The following AFG2A variants were observed in gnomAD, a reference collection of about 807,000 sequenced individuals.
AFG2A encodes ATPase family gene 2 protein homolog A.
the AFG2A span, among the ~76,000 whole-genome samples, chr4:123,004,175 A>AT: frequency 6.6e-6 from 1 of 152,190 alleles, no homozygotes; most frequent in Non-Finnish European, 1.5e-5. Context: ...GGCAGTGTTC[A>AT]GGTGGGAGTG....
chr4:123,016,611 G>A, the AFG2A span, among the ~76,000 whole-genome samples: 4 of 150,820 alleles, frequency 2.7e-5, no homozygotes, highest in Non-Finnish European at 5.9e-5. Context: ...GATGGCGGCC[G>A]GGCAGAGACG....
the AFG2A span, among the ~76,000 whole-genome samples, chr4:123,008,300 TACTC>T: frequency 5.9e-5 from 9 of 152,116 alleles, no homozygotes; most frequent in Non-Finnish European, 1.0e-4. Context: ...AGTGAAAACT[TACTC>T]ACTCCTGGAG....
the AFG2A span, chr4:122,927,630 A>T: frequency 1.2e-6 from 2 of 1,602,972 alleles, no homozygotes. Flanking sequence ...CTTTTCCTTC[A>T]TAGTAGATGA....
the AFG2A span, among the ~76,000 whole-genome samples, chr4:122,977,376 C>T: frequency 6.6e-6 from 1 of 152,228 alleles, no homozygotes; most frequent in African/African-American, 2.4e-5. Flanking sequence ...ATGCTGGCTG[C>T]AGTGGAGTGG....
the AFG2A span, among the ~76,000 whole-genome samples, chr4:123,014,151 T>C: frequency 1.3e-5 from 2 of 152,198 alleles, no homozygotes; most frequent in Non-Finnish European, 2.9e-5. Flanking sequence ...TTTCTATATT[T>C]TCCATATTCC....
At chr4:122,934,416 T>G in the AFG2A span, 7 of 1,614,220 alleles carry the variant, frequency 4.3e-6, no homozygotes, top group Middle Eastern at 1.6e-4. Context: ...CACAGAGCCC[T>G]GGAGATGGCA....
At chr4:123,189,808 G>GTTTTTTTTTTT in the AFG2A span, among the ~76,000 whole-genome samples, 1 of 56,510 alleles carries the variant, frequency 1.8e-5, no homozygotes, top group Non-Finnish European at 3.9e-5. Flanking sequence ...AAGGTCATTT[G>GTTTTTTTTTTT]CTTTTTTTTT....
At chr4:123,110,450 A>C in the AFG2A span, among the ~76,000 whole-genome samples, 1 of 152,192 alleles carries the variant, frequency 6.6e-6, no homozygotes, top group Non-Finnish European at 1.5e-5. Context: ...GAAAACAAAG[A>C]AGTAAAAATG....
chr4:122,933,951 T>G, the AFG2A span: 1 of 900,352 alleles, frequency 1.1e-6, no homozygotes, highest in African/African-American at 1.7e-5. Context: ...GAATATTAGG[T>G]CCTCAATTTT....
At chr4:122,935,584 G>C in the AFG2A span, 1 of 1,088,742 alleles carries the variant, frequency 9.2e-7, no homozygotes, top group Non-Finnish European at 1.3e-6. Flanking sequence ...TGGAGGGGGA[G>C]AAAAAACTCT....
the AFG2A span, among the ~76,000 whole-genome samples, chr4:123,026,208 C>T: frequency 6.6e-6 from 1 of 151,734 alleles, no homozygotes; most frequent in African/African-American, 2.4e-5. Flanking sequence ...TGGCTGTGAG[C>T]CTCAGACCAG....
the AFG2A span, among the ~76,000 whole-genome samples, chr4:123,102,798 C>CTGTGTGTGTGTGTGTGTG: frequency 1.1e-4 from 15 of 141,154 alleles, no homozygotes; most frequent in African/African-American, 3.2e-4. Context: ...TCCTGGCATT[C>CTGTGTGTGTGTGTGTGTG]TGTGTGTGTG....
the AFG2A span, among the ~76,000 whole-genome samples, chr4:122,927,159 T>C: frequency 6.6e-6 from 1 of 152,156 alleles, no homozygotes; most frequent in East Asian, 1.9e-4. Context: ...ACGACTTCTG[T>C]TACTCTCTTT....
the AFG2A span, among the ~76,000 whole-genome samples, chr4:123,291,372 A>G: frequency 9.2e-5 from 14 of 152,154 alleles, no homozygotes; most frequent in African/African-American, 3.4e-4. Context: ...TTTGATTGTT[A>G]TCTAGTTGTT....
At chr4:122,956,779 A>G in the AFG2A span, among the ~76,000 whole-genome samples, 8 of 152,162 alleles carry the variant, frequency 5.3e-5, no homozygotes, top group African/African-American at 1.9e-4. Flanking sequence ...TAGGGAAAAT[A>G]TGTTTGGTTT....
the AFG2A span, chr4:123,315,872 G>A: frequency 1.3e-5 from 2 of 152,064 alleles, no homozygotes; most frequent in Admixed American, 6.5e-5. Context: ...CAAACTCCTG[G>A]AGCTCAAGTG....
the AFG2A span, among the ~76,000 whole-genome samples, chr4:123,285,444 G>A: frequency 1.3e-5 from 2 of 152,002 alleles, no homozygotes; most frequent in East Asian, 3.9e-4. Context: ...AACTCAGAGG[G>A]CTGCAAAGAG....
At chr4:123,282,289 T>C in the AFG2A span, among the ~76,000 whole-genome samples, 3 of 152,200 alleles carry the variant, frequency 2.0e-5, no homozygotes, top group Non-Finnish European at 2.9e-5. Context: ...ACTGCCTGTT[T>C]CACACACTTG....
the AFG2A span, among the ~76,000 whole-genome samples, chr4:123,016,615 A>C: frequency 2.7e-5 from 4 of 149,766 alleles, no homozygotes; most frequent in Admixed American, 2.6e-4. Flanking sequence ...GCGGCCGGGC[A>C]GAGACGCTCC....
Sources: allele counts gnomAD v4.1 joint callset (sites outside exome capture counted in the v4.1 genomes callset), GRCh38; gene constraint gnomAD v4.1.1; transcripts MANE v1.5; gene names NCBI Gene and HGNC (gene_info 2026-07-23, HGNC 2026-07-21).